The following MORC2 variants were observed in gnomAD, a reference collection of about 807,000 sequenced individuals.
The protein encoded by MORC2 is MORC family CW-type zinc finger 2.
In MORC2, 30 loss-of-function variants were observed where a neutral mutation model predicts 136.0. The observed-to-expected ratio is 0.22, with a 90% CI of 0.17 to 0.30. The LOEUF (loss-of-function observed/expected upper bound fraction) is 0.30. Among genes scored for constraint, MORC2 ranks in the 10% least tolerant of loss-of-function variants. The pLI is 1.00. For missense variants in MORC2, 922 were observed against 1,333.1 expected, an observed-to-expected ratio of 0.69 and a Z score of 4.80; for synonymous variants, 439 against 487.0, an observed-to-expected ratio of 0.90 and a Z score of 1.30.
chr22:30,962,527 G>A (rs567545033), intron 1 of MORC2, among the ~76,000 whole-genome samples: 5 of 151,626 alleles, frequency 3.3e-5, no homozygotes, highest in Non-Finnish European at 5.9e-5. Context: ...CCTAAGAAGC[G>A]AGGGTTGCAG....
chr22:30,961,472 T>C (rs1314950622), intron 1 of MORC2, among the ~76,000 whole-genome samples: 1 of 152,230 alleles, frequency 6.6e-6, no homozygotes, highest in East Asian at 1.9e-4. Context: ...ACAAAGTGAA[T>C]TCATTTTATA....
At chr22:30,938,389 T>C (rs1300781544) in intron 12 of MORC2, among the ~76,000 whole-genome samples, 184 bp from the exon 13 acceptor site, 1 of 152,204 alleles carries the variant, frequency 6.6e-6, no homozygotes, top group African/African-American at 2.4e-5. Flanking sequence ...AAAGCATCCC[T>C]AATTAAAAAC....
chr22:30,959,348 G>A lies in MORC2; in HGVS notation c.69-654C>T, dbSNP rs141201038. ...GAAGGAATTGTTGGAAAAGGTCTTC[G>A]ATTACTTTCTTTAATGGAGGGAAAG... On this transcript the variant is annotated intron_variant, in intron 1 of 25. Coordinates refer to ENST00000397641, the MANE Select transcript of MORC2 (RefSeq NM_001303256.3). Among the ~76,000 whole-genome samples the A allele has an allele frequency of 3.4e-3, 521 of 152,248 alleles. 1 individual carries two copies. Among genetic ancestry groups the A allele is most frequent in the Non-Finnish European group, 3.6e-3 (245 of 68,028 alleles).
intron 5 of MORC2, 47 bp downstream of exon 5, chr22:30,949,705 T>C: frequency 6.9e-7 from 1 of 1,442,536 alleles, no homozygotes; most frequent in Non-Finnish European, 9.8e-7. Flanking sequence ...CAGGACAGCA[T>C]TGCTGGATTT....
intron 3 of MORC2, among the ~76,000 whole-genome samples, chr22:30,951,636 C>T (rs111600168): frequency 6.6e-6 from 1 of 152,186 alleles, no homozygotes; most frequent in African/African-American, 2.4e-5. Context: ...GCTCTGCAGC[C>T]TGGTCCCTGA....
intron 2 of MORC2, among the ~76,000 whole-genome samples, chr22:30,958,299 C>T (rs2040995053): frequency 6.6e-6 from 1 of 152,162 alleles, no homozygotes; most frequent in Non-Finnish European, 1.5e-5. Context: ...TAAATCAGAG[C>T]CTGCCTGTCT....
intron 5 of MORC2, 48 bp downstream of exon 5, chr22:30,949,704 A>G (rs750353501): frequency 4.2e-6 from 6 of 1,438,390 alleles, no homozygotes; most frequent in Non-Finnish European, 5.9e-6. Context: ...GCAGGACAGC[A>G]TTGCTGGATT....
In MORC2 at chr22:30,935,067, CTAG is replaced by C; in HGVS notation, c.1904_1906del (p.Pro635del). ...AGCCTTTCGGGGCTGGCTGGCTGGTCTAGGAGTTGGCAAAGAAGGGGGTCTGCT... is the reference window on the plus strand; with the variant it reads ...AGCCTTTCGGGGCTGGCTGGCTGGTCGAGTTGGCAAAGAAGGGGGTCTGCT... On this transcript the variant is annotated inframe_deletion, in exon 19 of 26. Transcript: ENST00000397641. 2 of 1,613,774 alleles carry C rather than the reference CTAG, an allele frequency of 1.2e-6. No homozygotes were observed. Among genetic ancestry groups the C allele is most frequent in the Non-Finnish European group, 8.5e-7 (1 of 1,180,004 alleles).
intron 1 of MORC2, among the ~76,000 whole-genome samples, chr22:30,964,862 A>C (rs2041102141): frequency 6.6e-6 from 1 of 152,250 alleles, no homozygotes; most frequent in African/African-American, 2.4e-5. Context: ...GACTAGCACC[A>C]AACAAGTTGC....
Position 30,925,699 on chromosome 22 carries a change from A to G in MORC2, c.*1104T>C, listed in dbSNP as rs1424508945. 6.5e-6 allele frequency: 1 copy of G among 153,774 alleles called. No individual in the cohort carries two copies. The highest frequency in any genetic ancestry group is 1.5e-5 in the Non-Finnish European group (1 of 68,060). The allele number at this position is 153,774 out of a possible 1,614,324, so 9.5% of individuals were successfully genotyped here. On this transcript the variant is annotated 3_prime_UTR_variant, in exon 26 of 26. Transcript: ENST00000397641. ...GGAAAAACTGAACCAGACTCTTCCA[A>G]TGGCCATTAAAGAGAAAATTCAGCA...
intron 21 of MORC2, among the ~76,000 whole-genome samples, chr22:30,933,246 C>T (rs764166427): frequency 3.3e-5 from 5 of 152,102 alleles, no homozygotes; most frequent in South Asian, 2.1e-4. Context: ...AACAAGTGAC[C>T]GCCAGGAGTG....
In MORC2 at chr22:30,941,804, A is replaced by C. The variant is rs2040745823; in HGVS notation, c.698+87T>G. 7.8e-7 allele frequency: 1 copy of C among 1,275,296 alleles called. No homozygotes were observed. Among genetic ancestry groups the C allele is most frequent in the Non-Finnish European group, 1.1e-6 (1 of 886,622 alleles). The allele number at this position is 1,275,296 out of a possible 1,614,324, so 79.0% of individuals were successfully genotyped here. A position where few individuals can be genotyped will look rare whatever the true frequency, so the allele number is the denominator to read the frequency against. On this transcript the variant is annotated intron_variant, in intron 8 of 25. Transcript: ENST00000397641. The surrounding 1 kb of genome is among the most constrained non-coding windows in gnomAD (Gnocchi z 4.6). ...CCTACCACAGAACACTGGGCAATGA[A>C]TGTGCTCTCCCCTCTTTCCCTGAAG...
In MORC2 at chr22:30,937,772, G is replaced by A. The variant is rs767029158; in HGVS notation, c.1369+43C>T. 1.9e-6 allele frequency: 3 copies of A among 1,613,886 alleles called. No homozygotes were observed. The highest frequency in any genetic ancestry group is 2.5e-6 in the Non-Finnish European group (3 of 1,179,938). On this transcript the variant is annotated intron_variant, in intron 14 of 25. Transcript: ENST00000397641. This position sits in a 1 kb window ranked among gnomAD's most constrained non-coding sequence, Gnocchi z 4.7. ...CAGCCTCTCTCTCTCCCTACATTCAGGTGAAGAGAAAAGGCAGAGGCCCAG... is the reference window on the plus strand; with the variant it reads ...CAGCCTCTCTCTCTCCCTACATTCAAGTGAAGAGAAAAGGCAGAGGCCCAG...
At chr22:30,955,076 A>G (rs1249749433) in intron 3 of MORC2, among the ~76,000 whole-genome samples, 1 of 148,702 alleles carries the variant, frequency 6.7e-6, no homozygotes, top group Non-Finnish European at 1.5e-5. Context: ...CTCCTGCTTC[A>G]GCCTCCCGAG....
Position 30,935,329 on chromosome 22 carries a change from G to C in MORC2, c.1738-7C>G. On this transcript the variant is annotated splice_polypyrimidine_tract_variant and splice_region_variant and intron_variant, in intron 17 of 25. Coordinates refer to ENST00000397641, the MANE Select transcript of MORC2 (RefSeq NM_001303256.3). ...AGCGGATGGGTGTGGTTTTCTGCAAGGCAAACATCATGATGAAGTTGTTTG... is the reference window on the plus strand; with the variant it reads ...AGCGGATGGGTGTGGTTTTCTGCAACGCAAACATCATGATGAAGTTGTTTG... 1 of 1,612,980 alleles carries C rather than the reference G, an allele frequency of 6.2e-7. No homozygotes were observed. The highest frequency in any genetic ancestry group is 8.5e-7 in the Non-Finnish European group (1 of 1,179,420).
chr22:30,930,437 C>T (rs1454202174), intron 24 of MORC2, among the ~76,000 whole-genome samples: 3 of 152,130 alleles, frequency 2.0e-5, no homozygotes, highest in Admixed American at 1.3e-4. Context: ...GCTCCCTCGC[C>T]GAGCACCACT....
At chr22:30,938,958 T>TA (rs544946589) in intron 12 of MORC2, among the ~76,000 whole-genome samples, 10 of 152,238 alleles carry the variant, frequency 6.6e-5, no homozygotes, top group African/African-American at 2.2e-4. Flanking sequence ...AACAAAAACT[T>TA]AGAGCTGAAA....
chr22:30,932,820 G>C lies in MORC2; in HGVS notation c.2523-51C>G. 6.2e-7 allele frequency: 1 copy of C among 1,613,182 alleles called. No homozygotes were observed. The highest frequency in any genetic ancestry group is 2.2e-5 in the East Asian group (1 of 44,858). On this transcript the variant is annotated intron_variant, in intron 22 of 25. Coordinates refer to ENST00000397641, the MANE Select transcript of MORC2 (RefSeq NM_001303256.3). The surrounding 1 kb of genome is among the most constrained non-coding windows in gnomAD (Gnocchi z 4.4). Reference sequence around the variant, plus strand: ...ATGTCTGACCCGGGCTCCCAGGATGGGCTGCTGGCAGGGAGGCCGGGGATA... The same window carrying C: ...ATGTCTGACCCGGGCTCCCAGGATGCGCTGCTGGCAGGGAGGCCGGGGATA...
In MORC2 at chr22:30,949,837, C is replaced by T; in HGVS notation, c.232G>A (p.Ala78Thr). 1 of 1,614,108 alleles carries T rather than the reference C, an allele frequency of 6.2e-7. No homozygotes were observed. The highest frequency in any genetic ancestry group is 8.5e-7 in the Non-Finnish European group (1 of 1,179,972). Residue 78 changes from alanine (A) to threonine (T), a missense_variant, in exon 5 of 26, where the codon GCT becomes ACT. Coordinates refer to ENST00000397641, the MANE Select transcript of MORC2 (RefSeq NM_001303256.3). ...DDGAGMDPSD[A>T]ASVIQFGKSA... ...TTCCCAAACTGGATCACACTGGCAG[C>T]ATCACCTGAAAGGGCAGACACAAGA... is the stretch of plus-strand genomic sequence containing the variant.
Sources: gnomAD v4.1 joint callset for allele counts (sites outside exome capture counted in the v4.1 genomes callset) on GRCh38, gnomAD v4.1.1 for gene constraint, Gnocchi (gnomAD v3.1) non-coding constraint, MANE v1.5 for transcripts, NCBI Gene and HGNC (gene_info 2026-07-23, HGNC 2026-07-21) for gene names.